SHROOM2: variants seen among roughly 807,000 people sequenced by gnomAD.
SHROOM2 encodes the protein protein Shroom2.
SHROOM2 carries 33 observed loss-of-function variants against 75.9 expected under a neutral mutation model. That is an observed-to-expected ratio of 0.43 (90% CI 0.33 to 0.58). SHROOM2 has a LOEUF of 0.58. Ranked by LOEUF, SHROOM2 falls within the 20% of genes least tolerant of loss-of-function variation. The pLI is 0.04. For synonymous variants in SHROOM2, 655 were observed against 663.6 expected (o/e 0.99, Z 0.20); for missense variants, 1,434 against 1,461.2 (o/e 0.98, Z 0.30).
At chrX:9,908,036 G>A (rs374976573) in intron 5 of SHROOM2, among the ~76,000 whole-genome samples, 2 of 112,939 alleles carry the variant, frequency 1.8e-5, no homozygotes, top group South Asian at 3.6e-4. Flanking sequence ...GTGGCAGTCT[G>A]TCTGGATGTT....
intron 5 of SHROOM2, among the ~76,000 whole-genome samples, chrX:9,926,548 A>G (rs759874461): frequency 1.5e-4 from 17 of 111,036 alleles, no homozygotes; most frequent in Middle Eastern, 4.3e-3. Context: ...CACTGTATTG[A>G]TGGTATATCG....
chrX:9,946,464 C>T (rs184136384), intron 9 of SHROOM2, among the ~76,000 whole-genome samples: 1 of 112,769 alleles, frequency 8.9e-6, no homozygotes, highest in African/African-American at 3.2e-5. Flanking sequence ...CTGGGGGCCT[C>T]AGGCTGGCCC....
rs1037266579 is a variant in SHROOM2 at position 9,948,921 on chromosome X, CT to C, written c.*1988del. 4.2e-5 allele frequency: 5 copies of C among 118,428 alleles called. No homozygotes were observed. The Admixed American group carries it at 4.3e-4, about 10-fold the overall frequency. 9.8% of individuals were successfully genotyped at this position (118,428 alleles called of 1,213,427 possible). ...TTTCAGAGTATTTTGTTTGGCAGAG[CT>C]TTTACCTGTTATTCTTTGCCCTCAA... On this transcript the variant is annotated 3_prime_UTR_variant, in exon 10 of 10. Transcript: ENST00000380913.
At chrX:9,845,138 C>G (rs2083999438) in intron 1 of SHROOM2, among the ~76,000 whole-genome samples, 1 of 112,292 alleles carries the variant, frequency 8.9e-6, no homozygotes, top group South Asian at 3.7e-4. Flanking sequence ...TGGCTGTGTT[C>G]CACTAAACCT....
intron 1 of SHROOM2, among the ~76,000 whole-genome samples, chrX:9,836,338 A>G (rs1224469868): frequency 9.0e-6 from 1 of 111,555 alleles, no homozygotes; most frequent in Non-Finnish European, 1.9e-5. Flanking sequence ...AGATTGCTGG[A>G]CACATAGACA....
chrX:9,830,351 T>C (rs2146758768), intron 1 of SHROOM2, among the ~76,000 whole-genome samples: 1 of 110,906 alleles, frequency 9.0e-6, no homozygotes, highest in East Asian at 2.8e-4. Context: ...GGGGGAGTGC[T>C]GGCGCCTGGA....
Position 9,898,207 on chromosome X carries a change from G to A in SHROOM2, c.2808G>A (p.Leu936=), listed in dbSNP as rs1220284313. ...DHYKQEASVE[L]RRQAGDPGEP... ...CTTTGCAGGAAGCTTCTGTCGAACTGCGAAGGCAGGCAGGGGACCCCGGCG... is the reference window on the plus strand; with the variant it reads ...CTTTGCAGGAAGCTTCTGTCGAACTACGAAGGCAGGCAGGGGACCCCGGCG... The change falls in exon 5 of 10, where the codon CTG becomes CTA. Residue 936 remains leucine (L), a synonymous_variant. Transcript: ENST00000380913. The A allele has an allele frequency of 8.4e-7, 1 of 1,184,662 alleles. No homozygotes were observed. Among genetic ancestry groups the A allele is most frequent in the East Asian group, 3.1e-5 (1 of 32,563 alleles).
intron 1 of SHROOM2, among the ~76,000 whole-genome samples, chrX:9,806,445 T>C (rs146378410): frequency 0.049 from 5,361 of 108,874 alleles, 304 homozygotes; most frequent in African/African-American, 0.17. Context: ...TTGAAATACA[T>C]TAATGATCTA....
chrX:9,935,748 G>A (rs1265326723), intron 6 of SHROOM2, among the ~76,000 whole-genome samples: 1 of 111,826 alleles, frequency 8.9e-6, no homozygotes, highest in African/African-American at 3.3e-5. Context: ...TTAGAGCATC[G>A]TGGCTGCCCT....
intron 1 of SHROOM2, among the ~76,000 whole-genome samples, chrX:9,799,545 A>G (rs978749370): frequency 2.7e-5 from 3 of 111,492 alleles, no homozygotes; most frequent in Non-Finnish European, 5.6e-5. Context: ...TAAATTACCC[A>G]TGTTGTAATT....
At chrX:9,915,216 T>C (rs1180575959) in intron 5 of SHROOM2, among the ~76,000 whole-genome samples, 1 of 111,913 alleles carries the variant, frequency 8.9e-6, no homozygotes, top group East Asian at 2.8e-4. Context: ...GCTGTAGTCA[T>C]TTTTGGTTCT....
At chrX:9,809,956 G>GT (rs1167102304) in intron 1 of SHROOM2, among the ~76,000 whole-genome samples, 1 of 112,712 alleles carries the variant, frequency 8.9e-6, no homozygotes, top group African/African-American at 3.2e-5. Context: ...GATTACAGGC[G>GT]TGAGTCACTG....
chrX:9,898,235 C>T lies in SHROOM2; in HGVS notation c.2836C>T (p.Pro946Ser). The T allele has an allele frequency of 1.7e-6, 2 of 1,188,903 alleles. No individual in the cohort carries two copies. Among genetic ancestry groups the T allele is most frequent in the Non-Finnish European group, 2.3e-6 (2 of 883,851 alleles). The change falls in exon 5 of 10, where the codon CCC (proline) becomes TCC (serine). Residue 946 changes from proline to serine, a missense_variant. This residue lies in a region of SHROOM2 where 1,340 missense variants were observed against 1,338.3 expected (regional missense o/e 1.00). Coordinates refer to ENST00000380913, the MANE Select transcript of SHROOM2 (RefSeq NM_001649.4). ...LRRQAGDPGE[P>S]REELPSAVRA... is the part of the protein sequence containing the mutation. ...AAGGCAGGCAGGGGACCCCGGCGAG[C>T]CCAGAGAAGAGCTTCCCTCCGCAGT...
intron 1 of SHROOM2, among the ~76,000 whole-genome samples, chrX:9,824,369 C>T (rs1236705688): frequency 9.0e-6 from 1 of 110,871 alleles, no homozygotes; most frequent in Non-Finnish European, 1.9e-5. Flanking sequence ...ACCTGGGAGG[C>T]GGAGGTTGCA....
chrX:9,929,239 A>G (rs4631609), intron 5 of SHROOM2, among the ~76,000 whole-genome samples: 5,588 of 110,357 alleles, frequency 0.051, 310 homozygotes, highest in African/African-American at 0.15. Context: ...CTGCGACAAT[A>G]AAAACCAATT....
chrX:9,826,023 C>T (rs751627123), intron 1 of SHROOM2, among the ~76,000 whole-genome samples: 1 of 112,480 alleles, frequency 8.9e-6, no homozygotes, highest in Non-Finnish European at 1.9e-5. Context: ...GCAAGCCTGC[C>T]TGGGCCTCCG....
intron 2 of SHROOM2, among the ~76,000 whole-genome samples, chrX:9,876,604 C>A (rs894858716): frequency 4.5e-5 from 5 of 112,229 alleles, no homozygotes; most frequent in African/African-American, 1.6e-4. Context: ...GTGGCTAGTT[C>A]ATGAAAGGAA....
At chrX:9,875,673 C>T (rs189295659) in intron 2 of SHROOM2, among the ~76,000 whole-genome samples, 12 of 112,334 alleles carry the variant, frequency 1.1e-4, no homozygotes, top group African/African-American at 3.6e-4. Flanking sequence ...AAGGTGTGTC[C>T]GTTGTGAATG....
chrX:9,946,625 C>T (rs2084821534), intron 9 of SHROOM2, 46 bp from the exon 10 acceptor site: 8 of 1,171,466 alleles, frequency 6.8e-6, no homozygotes, highest in South Asian at 1.9e-5. Context: ...GGCCAGTGCC[C>T]CAGCTTTCAT....
Sources: allele counts gnomAD v4.1 joint callset (sites outside exome capture counted in the v4.1 genomes callset), GRCh38; gene constraint gnomAD v4.1.1; regional missense constraint gnomAD v4.1.1; transcripts MANE v1.5; gene names NCBI Gene and HGNC (gene_info 2026-07-23, HGNC 2026-07-21).